The following ARHGEF16 variants were observed in gnomAD, a reference collection of about 807,000 sequenced individuals.
ARHGEF16 encodes Rho guanine nucleotide exchange factor 16, also known as Rho guanine exchange factor (GEF) 16.
In ARHGEF16, 59 loss-of-function variants were observed where a neutral mutation model predicts 74.1. That is an observed-to-expected ratio of 0.80 (90% CI 0.65 to 0.99). ARHGEF16 has a LOEUF of 0.99. ARHGEF16 is among the 50% of genes least tolerant of loss of function. The probability of loss-of-function intolerance (pLI) is 0.00; values close to 1 mark genes in which losing one functional copy is unlikely to be tolerated. For missense variants in ARHGEF16, 948 were observed against 986.6 expected, an observed-to-expected ratio of 0.96 and a Z score of 0.52; for synonymous variants, 415 against 412.6, an observed-to-expected ratio of 1.01 and a Z score of -0.07.
In ARHGEF16 at chr1:3,463,173, A is replaced by C; in HGVS notation, c.89A>C (p.Asn30Thr). The change falls in exon 2 of 15, where the codon AAC becomes ACC. Residue 30 changes from asparagine (N) to threonine (T), a missense_variant. Physicochemically the swap from Asn to Thr is moderately conservative, Grantham distance 65 (BLOSUM62 0). Coordinates refer to ENST00000378378, the MANE Select transcript of ARHGEF16 (RefSeq NM_014448.4). ...GAGCTCCGGCTCGATGCCGGGGGGA[A>C]CCCAGCCTCCGGGCTCCCAATGGTC... is the stretch of plus-strand genomic sequence containing the variant. Reference protein sequence around the residue: ...HSELRLDAGGNPASGLPMVRG... With the variant: ...HSELRLDAGGTPASGLPMVRG... The C allele has an allele frequency of 1.3e-6, 2 of 1,523,948 alleles. No homozygotes were observed. The highest frequency in any genetic ancestry group is 1.2e-5 in the South Asian group (1 of 82,248). The allele number at this position is 1,523,948 out of a possible 1,614,324, so 94.4% of individuals were successfully genotyped here.
At chr1:3,478,370 G>T (rs755468500) in intron 11 of ARHGEF16, 54 bp from the exon 12 acceptor site, 50 of 1,522,484 alleles carry the variant, frequency 3.3e-5, no homozygotes, top group Non-Finnish European at 4.2e-5. Context: ...GAGCCCAGCA[G>T]CACTGGGTAG....
chr1:3,480,029 C>G, intron 14 of ARHGEF16, 116 bp downstream of exon 14: 1 of 1,017,390 alleles, frequency 9.8e-7, no homozygotes, highest in Non-Finnish European at 1.5e-6. Context: ...TGTGCTCACC[C>G]TCTCTCGAGG....
At chr1:3,459,167 A>G (rs1449429130) in intron 1 of ARHGEF16, among the ~76,000 whole-genome samples, 2 of 152,178 alleles carry the variant, frequency 1.3e-5, no homozygotes, top group African/African-American at 4.8e-5. Flanking sequence ...CACGACAATC[A>G]GAGCTCCCAG....
At chr1:3,480,004 G>A in intron 14 of ARHGEF16, 91 bp downstream of exon 14, 2 of 1,287,780 alleles carry the variant, frequency 1.6e-6, no homozygotes, top group Non-Finnish European at 2.2e-6. Context: ...AGCATGCCGG[G>A]CTGCAGGCTG....
At chr1:3,458,687 A>G (rs1297568130) in intron 1 of ARHGEF16, among the ~76,000 whole-genome samples, 1 of 152,232 alleles carries the variant, frequency 6.6e-6, no homozygotes, top group Non-Finnish European at 1.5e-5. Context: ...GTTTGAGGAA[A>G]GCCCTGTGCC....
chr1:3,459,999 T>C (rs1455312676), intron 1 of ARHGEF16, among the ~76,000 whole-genome samples: 1 of 152,264 alleles, frequency 6.6e-6, no homozygotes, highest in Non-Finnish European at 1.5e-5. Flanking sequence ...GTTTTCATGC[T>C]AAGTCTTTGG....
chr1:3,473,311 A>C (rs1639789456), intron 7 of ARHGEF16, 81 bp downstream of exon 7: 1 of 1,581,420 alleles, frequency 6.3e-7, no homozygotes, highest in Non-Finnish European at 8.6e-7. Context: ...TCCTGCTCCC[A>C]GCCCAGCTTC....
intron 10 of ARHGEF16, among the ~76,000 whole-genome samples, chr1:3,476,887 C>T (rs1474631101): frequency 3.3e-5 from 5 of 152,038 alleles, no homozygotes; most frequent in Non-Finnish European, 7.4e-5. Context: ...GCGGTGACTT[C>T]GCGCCGCTGT....
intron 1 of ARHGEF16, among the ~76,000 whole-genome samples, chr1:3,461,093 G>T (rs887237318): frequency 2.0e-5 from 3 of 152,314 alleles, no homozygotes; most frequent in Admixed American, 6.5e-5. Flanking sequence ...GTTTCCACCC[G>T]CAAGAGACTC....
Position 3,475,981 on chromosome 1 carries a change from G to C in ARHGEF16, c.1392G>C (p.Gln464His). 6.4e-7 allele frequency: 1 copy of C among 1,553,436 alleles called. No homozygotes were observed. The highest frequency in any genetic ancestry group is 8.7e-7 in the Non-Finnish European group (1 of 1,148,546). The change falls in exon 10 of 15, where the codon CAG (glutamine) becomes CAC (histidine). Residue 464 changes from glutamine to histidine, a missense_variant. By Grantham distance (24) the Gln-to-His change is conservative. Transcript: ENST00000378378. Reference sequence around the variant, plus strand: ...ACCATGCCCTGCAGCTGGTGAGGCAGTGCAACGAGGGGGCCCACAGGATGG... The same window carrying C: ...ACCATGCCCTGCAGCTGGTGAGGCACTGCAACGAGGGGGCCCACAGGATGG... ...ALKAISKLVR[Q>H]CNEGAHRMER...
At chr1:3,472,943 G>C (rs1307135020) in intron 6 of ARHGEF16, 135 bp from the exon 7 acceptor site, 8 of 949,246 alleles carry the variant, frequency 8.4e-6, no homozygotes, top group Non-Finnish European at 1.2e-5. Context: ...GCTGTGTGCT[G>C]CCTCTGGGAG....
chr1:3,478,967 GGAGAGCCCT>G (rs150230489), intron 12 of ARHGEF16, among the ~76,000 whole-genome samples: 7,340 of 152,214 alleles, frequency 0.048, 588 homozygotes, highest in African/African-American at 0.17. Context: ...CCCCGAGGCA[GGAGAGCCCT>G]GAGGCCCCGA....
intron 1 of ARHGEF16, among the ~76,000 whole-genome samples, chr1:3,461,399 T>C (rs1266203221): frequency 1.3e-5 from 2 of 152,208 alleles, no homozygotes; most frequent in Non-Finnish European, 2.9e-5. Flanking sequence ...GCCTTGCTCT[T>C]ATCATGCCCA....
At chr1:3,472,741 A>G (rs1569866157) in intron 6 of ARHGEF16, 3 of 220,116 alleles carry the variant, frequency 1.4e-5, no homozygotes, top group East Asian at 2.3e-4. Context: ...TGGACAGGGC[A>G]CCAGGACAGG....
Position 3,463,309 on chromosome 1 carries a change from A to G in ARHGEF16, c.225A>G (p.Thr75=). The part of the protein sequence containing the change: ...HEEPWPIVLS[T]ESPAALKLGT... ...AGCCATGGCCCATCGTCCTGAGCAC[A>G]GAGAGCCCGGCGGCCCTCAAGCTGG... is the stretch of plus-strand genomic sequence containing the variant. The change falls in exon 2 of 15, where the codon ACA becomes ACG. Residue 75 remains threonine (T), a synonymous_variant. Transcript: ENST00000378378. 1.3e-6 allele frequency: 2 copies of G among 1,550,172 alleles called. No individual in the cohort carries two copies. The highest frequency in any genetic ancestry group is 1.7e-6 in the Non-Finnish European group (2 of 1,146,862).
At chr1:3,464,695 C>T (rs1394375545) in intron 2 of ARHGEF16, among the ~76,000 whole-genome samples, 1 of 152,306 alleles carries the variant, frequency 6.6e-6, no homozygotes, top group East Asian at 1.9e-4. Context: ...GCTGTGTGAC[C>T]CAGATGAGTT....
chr1:3,474,001 TAC>T (rs781113398), intron 8 of ARHGEF16: 5 of 234,788 alleles, frequency 2.1e-5, no homozygotes, highest in Non-Finnish European at 2.5e-5. Flanking sequence ...GTGAAAGGTG[TAC>T]ACACACACGC....
At chr1:3,466,323 C>G (rs1301339872) in intron 3 of ARHGEF16, 130 bp downstream of exon 3, 1 of 1,003,228 alleles carries the variant, frequency 1.0e-6, no homozygotes, top group Admixed American at 2.9e-5. Flanking sequence ...CAGGGTCCTT[C>G]CAGAGGCTGA....
chr1:3,466,631 C>T (rs997739931), intron 3 of ARHGEF16, among the ~76,000 whole-genome samples: 2 of 152,146 alleles, frequency 1.3e-5, no homozygotes, highest in African/African-American at 2.4e-5. Context: ...TCAGCCTGCT[C>T]GGGGGAGATG....
Sources: allele counts gnomAD v4.1 joint callset (sites outside exome capture counted in the v4.1 genomes callset), GRCh38; gene constraint gnomAD v4.1.1; transcripts MANE v1.5; gene names NCBI Gene and HGNC (gene_info 2026-07-23, HGNC 2026-07-21).